GFRA1: variants seen among roughly 807,000 people sequenced by gnomAD.
The protein encoded by GFRA1 is GDNF family receptor alpha-1.
In GFRA1, 16 loss-of-function variants were observed where a neutral mutation model predicts 51.6. That is an observed-to-expected ratio of 0.31 (90% CI 0.21 to 0.47). The LOEUF (loss-of-function observed/expected upper bound fraction) is 0.47. Among genes scored for constraint, GFRA1 ranks in the 20% least tolerant of loss-of-function variants. The pLI, the probability that GFRA1 is intolerant of heterozygous loss-of-function variation, is 1.00. For synonymous variants in GFRA1, 270 were observed against 241.3 expected (o/e 1.12, Z -1.10); for missense variants, 530 against 594.3 (o/e 0.89, Z 1.13).
intron 5 of GFRA1, among the ~76,000 whole-genome samples, chr10:116,185,254 A>G (rs2134292280): frequency 6.6e-6 from 1 of 152,062 alleles, no homozygotes; most frequent in South Asian, 2.1e-4. Flanking sequence ...AACCTCTCAT[A>G]GCCTCAGTTT....
At chr10:116,190,401 T>G (rs1433411640) in intron 5 of GFRA1, among the ~76,000 whole-genome samples, 1 of 152,168 alleles carries the variant, frequency 6.6e-6, no homozygotes, top group Non-Finnish European at 1.5e-5. Flanking sequence ...CAATGTGCTC[T>G]CAAGAAGTCG....
intron 9 of GFRA1, among the ~76,000 whole-genome samples, chr10:116,077,879 A>G (rs1208612070): frequency 1.3e-5 from 2 of 152,184 alleles, no homozygotes; most frequent in African/African-American, 2.4e-5. Context: ...TCAGCTTCCT[A>G]TGTTAAAGTC....
At chr10:116,065,688 C>CATCA (rs1955073321) in intron 9 of GFRA1, 62 bp from the exon 10 acceptor site, 3 of 1,308,078 alleles carry the variant, frequency 2.3e-6, no homozygotes, top group African/African-American at 2.9e-5. Flanking sequence ...ACTGATGATC[C>CATCA]ATCAGTCAGC....
At chr10:116,094,540 A>G (rs1956494919) in intron 7 of GFRA1, among the ~76,000 whole-genome samples, 1 of 152,170 alleles carries the variant, frequency 6.6e-6, no homozygotes, top group African/African-American at 2.4e-5. Context: ...ACAAACACAC[A>G]AATTATTTAT....
intron 3 of GFRA1, 143 bp downstream of exon 3, chr10:116,270,679 G>A (rs542171817): frequency 2.2e-5 from 15 of 680,206 alleles, no homozygotes; most frequent in South Asian, 3.6e-5. Flanking sequence ...ACCAGCTGCC[G>A]TTGTCCCTGG....
At chr10:116,096,619 A>G in intron 7 of GFRA1, 36 bp downstream of exon 7, 1 of 1,172,302 alleles carries the variant, frequency 8.5e-7, no homozygotes, top group Non-Finnish European at 1.3e-6. Context: ...TATGCAAACC[A>G]CACTCTTCTC....
chr10:116,132,038 C>T (rs757937766), intron 5 of GFRA1, among the ~76,000 whole-genome samples: 1 of 151,678 alleles, frequency 6.6e-6, no homozygotes, highest in Non-Finnish European at 1.5e-5. Flanking sequence ...GAGGCACTGT[C>T]GCTACAAAAA....
intron 5 of GFRA1, among the ~76,000 whole-genome samples, chr10:116,189,090 T>TAAA (rs137887314): frequency 6.2e-5 from 7 of 112,152 alleles, no homozygotes; most frequent in Non-Finnish European, 1.1e-4. Context: ...CCTTGTCTCT[T>TAAA]AAAAAAAAAA....
intron 9 of GFRA1, among the ~76,000 whole-genome samples, chr10:116,081,143 G>A (rs1955831719): frequency 6.6e-6 from 1 of 152,156 alleles, no homozygotes; most frequent in African/African-American, 2.4e-5. Flanking sequence ...ACTTGAGGGG[G>A]TCATAGGAAC....
chr10:116,148,862 G>C (rs1035002761), intron 5 of GFRA1, among the ~76,000 whole-genome samples: 3 of 152,166 alleles, frequency 2.0e-5, no homozygotes, highest in Non-Finnish European at 2.9e-5. Flanking sequence ...GGACAAGTGA[G>C]AAAAATGCAG....
At chr10:116,191,632 A>T (rs1963275319) in intron 5 of GFRA1, among the ~76,000 whole-genome samples, 1 of 152,224 alleles carries the variant, frequency 6.6e-6, no homozygotes, top group African/African-American at 2.4e-5. Flanking sequence ...AATATCCTCA[A>T]AACATTTTAA....
intron 5 of GFRA1, 78 bp from the exon 6 acceptor site, chr10:116,125,635 C>T (rs1688764577): frequency 8.6e-7 from 1 of 1,167,754 alleles, no homozygotes. Context: ...AATTGAGATC[C>T]TGCCATTTAT....
intron 6 of GFRA1, among the ~76,000 whole-genome samples, chr10:116,097,544 C>T (rs1026394048): frequency 3.3e-5 from 5 of 152,168 alleles, no homozygotes; most frequent in African/African-American, 9.7e-5. Context: ...GCCGCAGACA[C>T]GCTGGTCTGC....
At chr10:116,158,203 A>C (rs1032582972) in intron 5 of GFRA1, among the ~76,000 whole-genome samples, 2 of 152,238 alleles carry the variant, frequency 1.3e-5, no homozygotes. Flanking sequence ...GGAAAGCAGA[A>C]TCATTATTCC....
chr10:116,170,791 A>C (rs1301372646), intron 5 of GFRA1, among the ~76,000 whole-genome samples: 1 of 152,228 alleles, frequency 6.6e-6, no homozygotes, highest in Non-Finnish European at 1.5e-5. Context: ...ATAAGCAAGA[A>C]AACCCCAAGA....
intron 5 of GFRA1, among the ~76,000 whole-genome samples, chr10:116,128,310 TTTTATG>T (rs1388061392): frequency 7.2e-5 from 11 of 152,336 alleles, no homozygotes; most frequent in African/African-American, 1.7e-4. Flanking sequence ...GAGCTTACAG[TTTTATG>T]TTTATAAGTT....
intron 5 of GFRA1, among the ~76,000 whole-genome samples, chr10:116,165,768 G>T (rs1361272756): frequency 1.3e-5 from 2 of 151,974 alleles, no homozygotes; most frequent in Non-Finnish European, 2.9e-5. Flanking sequence ...GAGGAAAATA[G>T]GACCTTGTGG....
At chr10:116,139,196 T>A (rs1402632883) in intron 5 of GFRA1, among the ~76,000 whole-genome samples, 3 of 152,192 alleles carry the variant, frequency 2.0e-5, no homozygotes, top group Non-Finnish European at 1.5e-5. Flanking sequence ...AAAGTACTTG[T>A]GGTTTTTGCC....
intron 5 of GFRA1, among the ~76,000 whole-genome samples, chr10:116,129,676 T>G (rs529421342): frequency 6.6e-6 from 1 of 152,112 alleles, no homozygotes; most frequent in Non-Finnish European, 1.5e-5. Flanking sequence ...ACAAAACAAC[T>G]ACTAGAAATA....
Sources: allele counts gnomAD v4.1 joint callset (sites outside exome capture counted in the v4.1 genomes callset), GRCh38; gene constraint gnomAD v4.1.1; transcripts MANE v1.5; gene names NCBI Gene and HGNC (gene_info 2026-07-23, HGNC 2026-07-21).